The following MOV10 variants were observed in gnomAD, a reference collection of about 807,000 sequenced individuals.
MOV10 encodes Mov10 RNA helicase, also known as RNA helicase MOV-10.
MOV10 carries 39 observed loss-of-function variants against 108.4 expected under a neutral mutation model. The ratio of observed to expected loss-of-function variants is 0.36; its 90% confidence interval spans 0.28 to 0.47. The LOEUF is 0.47. Ranked by LOEUF, MOV10 falls within the 20% of genes least tolerant of loss-of-function variation. The pLI, the probability that MOV10 is intolerant of heterozygous loss-of-function variation, is 1.00. For synonymous variants in MOV10, 490 were observed against 523.1 expected (o/e 0.94, Z 0.86); for missense variants, 952 against 1,297.6 (o/e 0.73, Z 4.09).
In MOV10 at chr1:112,684,262, A is replaced by ATT. The variant is rs71084487; in HGVS notation, c.138-4652_138-4651dup. Among the ~76,000 whole-genome samples, 424 of 93,772 alleles carry ATT rather than the reference A, an allele frequency of 4.5e-3. 3 individuals carry two copies. Among genetic ancestry groups the ATT allele is most frequent in the African/African-American group, 0.014 (330 of 23,452 alleles). The allele number at this position is 93,772 out of a possible 152,430, so 61.5% of individuals were successfully genotyped here. A position where few individuals can be genotyped will look rare whatever the true frequency, so the allele number is the denominator to read the frequency against. On this transcript the variant is annotated intron_variant, in intron 2 of 20. Coordinates refer to ENST00000369645, the MANE Select transcript of MOV10 (RefSeq NM_001321324.2). Reference sequence around the variant, plus strand: ...TGAGCCACCATGCCCAGTCCCTGGGATTTTTTTTTTTTTTTTTTTTTTGTG... The same window carrying ATT: ...TGAGCCACCATGCCCAGTCCCTGGGATTTTTTTTTTTTTTTTTTTTTTTTGTG...
At chr1:112,683,010 C>G (rs944367670) in intron 2 of MOV10, among the ~76,000 whole-genome samples, 1 of 150,860 alleles carries the variant, frequency 6.6e-6, no homozygotes, top group Non-Finnish European at 1.5e-5. Context: ...ACCTGCACCT[C>G]CCAGGTTCAA....
At chr1:112,696,306 C>T (rs767637838) in intron 12 of MOV10, 55 bp downstream of exon 12, 54 of 1,463,556 alleles carry the variant, frequency 3.7e-5, no homozygotes, top group Non-Finnish European at 4.5e-5. Flanking sequence ...AAAGGGGTAC[C>T]GGGCTGGGGA....
At position 112,694,342 on chromosome 1, in the gene MOV10, T is replaced by C; in HGVS notation, c.1296-111T>C. ...AGCTTCCTCTTCTAGAGAACTTGCA[T>C]AGAGGTCTTGGAAAGAGGGGTTGGG... On this transcript the variant is annotated intron_variant, in intron 8 of 20. Coordinates refer to ENST00000369645, the MANE Select transcript of MOV10 (RefSeq NM_001321324.2). The surrounding 1 kb of genome is among the most constrained non-coding windows in gnomAD (Gnocchi z 4.1). 6.8e-7 allele frequency: 1 copy of C among 1,473,414 alleles called. No individual in the cohort carries two copies. Among genetic ancestry groups the C allele is most frequent in the East Asian group, 2.3e-5 (1 of 44,056 alleles). 91.3% of individuals were successfully genotyped at this position (1,473,414 alleles called of 1,614,324 possible).
chr1:112,691,707 A>C lies in MOV10; in HGVS notation c.879A>C (p.Thr293=). Residue 293 remains threonine (T), a synonymous_variant, in exon 6 of 21, where the codon ACA becomes ACC. Coordinates refer to ENST00000369645, the MANE Select transcript of MOV10 (RefSeq NM_001321324.2). The part of the protein sequence containing the change: ...YDLELSMALG[T]YYPPPRLRQL... ...TGGAGTTAAGTATGGCGCTGGGGAC[A>C]TACTACCCACCTCCCCGCCTCAGGC... The C allele has an allele frequency of 1.9e-6, 3 of 1,614,106 alleles. No homozygotes were observed. Among genetic ancestry groups the C allele is most frequent in the South Asian group, 1.1e-5 (1 of 91,084 alleles).
intron 2 of MOV10, among the ~76,000 whole-genome samples, chr1:112,687,896 G>T (rs974721580): frequency 6.6e-6 from 1 of 152,010 alleles, no homozygotes; most frequent in Non-Finnish European, 1.5e-5. Flanking sequence ...CAAGTGGGCC[G>T]CCCCCCTCTG....
At chr1:112,683,327 C>T (rs1672814526) in intron 2 of MOV10, among the ~76,000 whole-genome samples, 1 of 152,162 alleles carries the variant, frequency 6.6e-6, no homozygotes, top group South Asian at 2.1e-4. Context: ...TTTAGTTTTA[C>T]AAGGAACTAT....
In MOV10 at chr1:112,694,085, C is replaced by T. The variant is rs1056198529; in HGVS notation, c.1208C>T (p.Ser403Leu). The T allele has an allele frequency of 1.2e-6, 2 of 1,613,988 alleles. No individual in the cohort carries two copies. Among genetic ancestry groups the T allele is most frequent in the African/African-American group, 1.3e-5 (1 of 74,978 alleles). Residue 403 changes from serine to leucine, a missense_variant, in exon 8 of 21, where the codon TCG becomes TTG. Physicochemically the swap from Ser to Leu is moderately radical, Grantham distance 145. Transcript: ENST00000369645. This position sits in a 1 kb window ranked among gnomAD's most constrained non-coding sequence, Gnocchi z 4.1. ...RGDHLFALLS[S>L]ETHQEDPITY... ...GACCACCTGTTTGCCCTTTTGTCCT[C>T]GGAGACACACCAGGAGGACCCCATC... is the stretch of plus-strand genomic sequence containing the variant.
chr1:112,691,705 A>G lies in MOV10; in HGVS notation c.877A>G (p.Thr293Ala), dbSNP rs1673602315. The stretch of plus-strand genomic sequence containing the variant: ...CCTGGAGTTAAGTATGGCGCTGGGG[A>G]CATACTACCCACCTCCCCGCCTCAG... Reference protein sequence around the residue: ...YDLELSMALGTYYPPPRLRQL... With the variant: ...YDLELSMALGAYYPPPRLRQL... The change falls in exon 6 of 21, where the codon ACA (threonine) becomes GCA (alanine). Residue 293 changes from threonine (T) to alanine (A), a missense_variant. Transcript: ENST00000369645. The G allele has an allele frequency of 6.2e-7, 1 of 1,614,004 alleles. No homozygotes were observed. The highest frequency in any genetic ancestry group is 2.2e-5 in the East Asian group (1 of 44,866).
rs768978181 is a variant in MOV10 at position 112,694,815 on chromosome 1, C to A, written c.1539C>A (p.Gly513=). 1.2e-6 allele frequency: 2 copies of A among 1,614,150 alleles called. No homozygotes were observed. The highest frequency in any genetic ancestry group is 1.6e-4 in the Middle Eastern group (1 of 6,062). ...QLQAMRHIVT[G]TTRPAPYIIF... ...AGGCCATGAGGCACATTGTTACGGG[C>A]ACCACCCGTCCAGCCCCCTACATCA... Residue 513 remains glycine, a synonymous_variant, in exon 10 of 21, where the codon GGC becomes GGA. Coordinates refer to ENST00000369645, the MANE Select transcript of MOV10 (RefSeq NM_001321324.2). The surrounding 1 kb of genome is among the most constrained non-coding windows in gnomAD (Gnocchi z 4.1).
In MOV10 at chr1:112,700,605, G is replaced by C. The variant is rs750351441; in HGVS notation, c.*98G>C. 2.6e-6 allele frequency: 4 copies of C among 1,557,112 alleles called. No homozygotes were observed. In the African/African-American group the frequency reaches 5.5e-5, roughly 21 times the overall value. On this transcript the variant is annotated 3_prime_UTR_variant, in exon 21 of 21. Transcript: ENST00000369645. ...GAACTGCCCCTCCAAGGGACAGGAA[G>C]GCTGGGGGAGGGAGTTTACAACCCA...
At position 112,693,645 on chromosome 1, in the gene MOV10, G is replaced by A. The variant is rs1184889103; in HGVS notation, c.1141-373G>A. On this transcript the variant is annotated intron_variant, in intron 7 of 20. Transcript: ENST00000369645. The stretch of plus-strand genomic sequence containing the variant: ...CTCCCAAAGTGCTGGGATTACAGGC[G>A]TGAGCCACCATGCCTGGTCCGTTTT... 10 of 158,522 alleles carry A rather than the reference G, an allele frequency of 6.3e-5. No homozygotes were observed. The East Asian group carries it at 1.3e-3, about 20-fold the overall frequency. The allele number at this position is 158,522 out of a possible 1,614,324, so 9.8% of individuals were successfully genotyped here.
intron 12 of MOV10, 54 bp downstream of exon 12, chr1:112,696,305 C>G (rs1674082798): frequency 6.8e-7 from 1 of 1,468,140 alleles, no homozygotes; most frequent in Admixed American, 1.7e-5. Context: ...TAAAGGGGTA[C>G]CGGGCTGGGG....
intron 14 of MOV10, among the ~76,000 whole-genome samples, chr1:112,697,424 C>A (rs1172406266): frequency 6.6e-6 from 1 of 152,060 alleles, no homozygotes; most frequent in African/African-American, 2.4e-5. Context: ...GAGCTGAGAT[C>A]GCGCTACTGC....
rs903118032 is a variant in MOV10, at chr1:112,700,129, G to A, written c.2799-90G>A. On this transcript the variant is annotated intron_variant, in intron 19 of 20. Coordinates refer to ENST00000369645, the MANE Select transcript of MOV10 (RefSeq NM_001321324.2). ...TCACTATTGTATTTATAAGTTAAAT[G>A]ACATCCAGAGGTTGAGCAAGTACAG... 6.9e-6 allele frequency: 11 copies of A among 1,597,894 alleles called. No homozygotes were observed. In the African/African-American group the frequency reaches 1.2e-4, roughly 18 times the overall value.
intron 2 of MOV10, among the ~76,000 whole-genome samples, chr1:112,676,615 G>C (rs1425281574): frequency 6.6e-6 from 1 of 152,178 alleles, no homozygotes; most frequent in Non-Finnish European, 1.5e-5. Flanking sequence ...AAATTACTAA[G>C]AGGAGTCATA....
chr1:112,677,677 A>G (rs141434344), intron 2 of MOV10, among the ~76,000 whole-genome samples: 186 of 152,262 alleles, frequency 1.2e-3, no homozygotes, highest in African/African-American at 4.1e-3. Flanking sequence ...AGTCCCCAGC[A>G]TAGAGCTTTG....
intron 14 of MOV10, 41 bp from the exon 15 acceptor site, chr1:112,697,953 A>G (rs766105895): frequency 1.3e-6 from 2 of 1,550,662 alleles, no homozygotes; most frequent in Admixed American, 3.3e-5. Flanking sequence ...GGCAGAGGGA[A>G]TCTGACCCTT....
chr1:112,700,421 C>A lies in MOV10; in HGVS notation c.2926C>A (p.His976Asn). ...TGTACTTTCTCTCTTTCCAGGGCCC[C>A]ACAGCCATGACTACCTCCCCCAGGA... ...SKLSPSTSGP[H>N]SHDYLPQERE... Residue 976 changes from histidine to asparagine, a missense_variant, in exon 21 of 21, where the codon CAC (histidine) becomes AAC (asparagine). Physicochemically the swap from His to Asn is moderately conservative, Grantham distance 68 (BLOSUM62 1). Around this residue, in one of 5 missense-constraint regions of MOV10, gnomAD observed 42 missense variants for 36.5 expected, o/e 1.15. Transcript: ENST00000369645. 1 of 1,613,596 alleles carries A rather than the reference C, an allele frequency of 6.2e-7. No individual in the cohort carries two copies. Among genetic ancestry groups the A allele is most frequent in the East Asian group, 2.2e-5 (1 of 44,864 alleles).
intron 2 of MOV10, among the ~76,000 whole-genome samples, chr1:112,680,049 C>T (rs1436605982): frequency 6.6e-6 from 1 of 152,030 alleles, no homozygotes; most frequent in Non-Finnish European, 1.5e-5. Context: ...TTTCAGGCAG[C>T]TTGTCTATCA....
Sources: allele counts gnomAD v4.1 joint callset (sites outside exome capture counted in the v4.1 genomes callset), GRCh38; gene constraint gnomAD v4.1.1; regional missense constraint gnomAD v4.1.1; non-coding constraint Gnocchi (gnomAD v3.1); transcripts MANE v1.5; gene names NCBI Gene and HGNC (gene_info 2026-07-23, HGNC 2026-07-21).